NRG1: variants seen among roughly 807,000 people sequenced by gnomAD.
NRG1 encodes neuregulin 1, also known as pro-neuregulin-1, membrane-bound isoform.
NRG1 carries 18 observed loss-of-function variants against 63.8 expected under a neutral mutation model. The ratio of observed to expected loss-of-function variants is 0.28; its 90% CI spans 0.19 to 0.42. The LOEUF is 0.42. NRG1 is among the 10% of genes least tolerant of loss of function. The pLI, the probability that NRG1 is intolerant of heterozygous loss-of-function variation, is 1.00. For missense variants in NRG1, 762 were observed against 814.7 expected, an observed-to-expected ratio of 0.94 and a Z score of 0.79; for synonymous variants, 302 against 301.3, an observed-to-expected ratio of 1.00 and a Z score of -0.02.
At chr8:32,250,231 A>G (rs112683599) in intron 1 of NRG1, among the ~76,000 whole-genome samples, 1,915 of 152,254 alleles carry the variant, frequency 0.013, 38 homozygotes, top group African/African-American at 0.044. Context: ...GTTGATATAA[A>G]GCATCTAGCC....
At chr8:32,427,680 TGAA>T (rs1388585850) in intron 1 of NRG1, among the ~76,000 whole-genome samples, 1 of 152,132 alleles carries the variant, frequency 6.6e-6, no homozygotes, top group Non-Finnish European at 1.5e-5. Context: ...CCTTCAGTAA[TGAA>T]GAAAAAAATG....
chr8:32,247,632 G>A (rs529599711), intron 1 of NRG1, among the ~76,000 whole-genome samples: 8 of 152,162 alleles, frequency 5.3e-5, no homozygotes, highest in South Asian at 2.1e-4. Context: ...GGATACGGTC[G>A]TGAGTTACTG....
intron 1 of NRG1, among the ~76,000 whole-genome samples, chr8:32,179,125 C>A (rs1841139181): frequency 6.9e-6 from 1 of 144,150 alleles, no homozygotes; most frequent in South Asian, 2.2e-4. Context: ...GAGGAATGAG[C>A]TGCTCTGTGA....
chr8:32,366,383 T>C (rs936915028), intron 1 of NRG1, among the ~76,000 whole-genome samples: 2 of 151,968 alleles, frequency 1.3e-5, no homozygotes, highest in Admixed American at 6.6e-5. Flanking sequence ...GTAACTACCA[T>C]TTTACTCTCT....
intron 1 of NRG1, among the ~76,000 whole-genome samples, chr8:31,895,548 A>G (rs1250621708): frequency 1.3e-5 from 2 of 152,266 alleles, no homozygotes; most frequent in African/African-American, 4.8e-5. Flanking sequence ...GTCTAGGATC[A>G]GCCTTTAGTC....
chr8:32,513,698 A>C (rs1301916068), intron 1 of NRG1, among the ~76,000 whole-genome samples: 3 of 152,188 alleles, frequency 2.0e-5, no homozygotes, highest in African/African-American at 7.2e-5. Context: ...AAAATTTCCA[A>C]CAGCATTTTT....
intron 5 of NRG1, among the ~76,000 whole-genome samples, chr8:32,635,175 A>G (rs188172078): frequency 1.1e-3 from 165 of 152,314 alleles, no homozygotes; most frequent in Middle Eastern, 3.4e-3. Flanking sequence ...AAGGAAAACT[A>G]TAAGATGGAA....
chr8:32,725,981 A>C (rs1822076501), intron 5 of NRG1, among the ~76,000 whole-genome samples: 1 of 152,172 alleles, frequency 6.6e-6, no homozygotes, highest in South Asian at 2.1e-4. Flanking sequence ...AGTATAACTG[A>C]TAATTGATGG....
chr8:32,545,023 C>T (rs376734238), upstream of NRG1, among the ~76,000 whole-genome samples: 2 of 152,172 alleles, frequency 1.3e-5, no homozygotes, highest in South Asian at 2.1e-4. Context: ...TTAAAAGTGA[C>T]TATTTGCAGA....
intron 1 of NRG1, among the ~76,000 whole-genome samples, chr8:31,667,896 C>T (rs76012618): frequency 0.019 from 2,831 of 152,214 alleles, 102 homozygotes; most frequent in African/African-American, 0.064. Flanking sequence ...GCTATTTTCT[C>T]GCTGGAGACA....
intron 1 of NRG1, among the ~76,000 whole-genome samples, chr8:32,181,194 G>T (rs1202858129): frequency 6.6e-6 from 1 of 152,080 alleles, no homozygotes; most frequent in Non-Finnish European, 1.5e-5. Flanking sequence ...CAGATGCTTG[G>T]GAGGATCTCT....
At chr8:31,843,118 GA>G (rs71208146) in intron 1 of NRG1, among the ~76,000 whole-genome samples, 20 of 148,150 alleles carry the variant, frequency 1.3e-4, no homozygotes, top group Admixed American at 2.7e-4. Context: ...TTGCCATAAA[GA>G]AAAAAAAAAC....
chr8:31,858,812 C>T (rs1828196160), intron 1 of NRG1, among the ~76,000 whole-genome samples: 1 of 152,200 alleles, frequency 6.6e-6, no homozygotes, highest in Admixed American at 6.5e-5. Flanking sequence ...GCATGTTGCA[C>T]AACCAACACT....
At chr8:31,757,964 C>T (rs926024912) in intron 1 of NRG1, among the ~76,000 whole-genome samples, 1 of 152,016 alleles carries the variant, frequency 6.6e-6, no homozygotes, top group African/African-American at 2.4e-5. Context: ...TAGAGGCAAC[C>T]ACTGATTTCT....
In NRG1 at chr8:32,373,895, A is replaced by G. The variant is rs148008181; in HGVS notation, c.38-221933A>G. On this transcript the variant is annotated intron_variant, in intron 1 of 10. Transcript: ENST00000519301. ...AGATGAATAATACACAATTAAGTCAATTACCTGACTTCAAATATTATTATA... is the reference window on the plus strand; with the variant it reads ...AGATGAATAATACACAATTAAGTCAGTTACCTGACTTCAAATATTATTATA... Among the ~76,000 whole-genome samples, 99 of 152,354 alleles carry G rather than the reference A, an allele frequency of 6.5e-4. 1 individual carries two copies. Among genetic ancestry groups the G allele is most frequent in the African/African-American group, 2.2e-3 (90 of 41,596 alleles).
chr8:31,909,512 T>C (rs1490851824), intron 1 of NRG1, among the ~76,000 whole-genome samples: 3 of 152,196 alleles, frequency 2.0e-5, no homozygotes. Context: ...TCTAGTTTGA[T>C]CAACATTTAT....
chr8:32,576,508 A>T (rs188962285), intron 1 of NRG1, among the ~76,000 whole-genome samples: 2 of 152,158 alleles, frequency 1.3e-5, no homozygotes, highest in African/African-American at 4.8e-5. Flanking sequence ...TTAAGTCTCA[A>T]TTCCCTATAA....
chr8:32,033,556 A>G (rs1425957340), intron 1 of NRG1, among the ~76,000 whole-genome samples: 1 of 152,168 alleles, frequency 6.6e-6, no homozygotes, highest in Non-Finnish European at 1.5e-5. Context: ...CTATTTTCAC[A>G]GTATTGATTC....
chr8:32,069,563 T>C (rs1825433691), intron 1 of NRG1, among the ~76,000 whole-genome samples: 1 of 152,074 alleles, frequency 6.6e-6, no homozygotes, highest in Middle Eastern at 3.2e-3. Context: ...GGATGGGGAA[T>C]TTTCTTAGAA....
Sources: gnomAD v4.1 joint callset for allele counts (sites outside exome capture counted in the v4.1 genomes callset) on GRCh38, gnomAD v4.1.1 for gene constraint, MANE v1.5 for transcripts, NCBI Gene and HGNC (gene_info 2026-07-23, HGNC 2026-07-21) for gene names.